CPXM2: variants seen among roughly 807,000 people sequenced by gnomAD.
CPXM2 encodes carboxypeptidase X, M14 family member 2.
CPXM2 carries 66 observed loss-of-function variants against 86.1 expected under a neutral mutation model. The observed-to-expected ratio is 0.77, with a 90% CI of 0.63 to 0.94. The LOEUF (loss-of-function observed/expected upper bound fraction) is 0.94, where lower values mean the gene tolerates loss of function less well. Among genes scored for constraint, CPXM2 ranks in the 40% least tolerant of loss-of-function variants. CPXM2 has a pLI of 0.00. For synonymous variants in CPXM2, 388 were observed against 400.2 expected (o/e 0.97, Z 0.36); for missense variants, 948 against 1,026.3 (o/e 0.92, Z 1.04).
chr10:123,750,156 AT>A (rs1170892042), intron 13 of CPXM2: 3 of 985,030 alleles, frequency 3.0e-6, no homozygotes, highest in East Asian at 2.3e-4. Context: ...ATTCTTACTA[AT>A]TTTCAAGAAA....
At chr10:123,756,522 G>C (rs1459777268) in intron 12 of CPXM2, among the ~76,000 whole-genome samples, 2 of 152,166 alleles carry the variant, frequency 1.3e-5, no homozygotes, top group Admixed American at 6.5e-5. Flanking sequence ...TCTGCCACCT[G>C]CAACAGTGAC....
Position 123,842,489 on chromosome 10 carries a change from C to T in CPXM2, c.514-1G>A, listed in dbSNP as rs777562125. 1.2e-6 allele frequency: 2 copies of T among 1,613,996 alleles called. No homozygotes were observed. The highest frequency in any genetic ancestry group is 4.5e-5 in the East Asian group (2 of 44,884). On this transcript the variant is annotated splice_acceptor_variant, in intron 3 of 13. Coordinates refer to ENST00000241305, the MANE Select transcript of CPXM2 (RefSeq NM_198148.3). LOFTEE classifies it high-confidence loss of function. ...AAAAATCATTTTCATTAATGCCCGC[C>T]TAGAAAGAAAGAAAGCGGTGTTCTT...
At chr10:123,855,730 T>C (rs1848708793) in intron 3 of CPXM2, among the ~76,000 whole-genome samples, 1 of 152,200 alleles carries the variant, frequency 6.6e-6, no homozygotes, top group Admixed American at 6.5e-5. Flanking sequence ...CGCCTCCAAA[T>C]ATCCCACCTC....
chr10:123,836,416 C>A (rs1848282269), intron 4 of CPXM2, among the ~76,000 whole-genome samples: 1 of 152,074 alleles, frequency 6.6e-6, no homozygotes, highest in African/African-American at 2.4e-5. Context: ...GTCTCACAGT[C>A]CCTCACTCCT....
At chr10:123,850,387 C>T (rs1590064721) in intron 3 of CPXM2, among the ~76,000 whole-genome samples, 1 of 152,314 alleles carries the variant, frequency 6.6e-6, no homozygotes. Context: ...AAGTCAACCA[C>T]AGTCTGAAAA....
chr10:123,776,302 C>T (rs1250792349), intron 7 of CPXM2, among the ~76,000 whole-genome samples: 1 of 152,072 alleles, frequency 6.6e-6, no homozygotes, highest in African/African-American at 2.4e-5. Flanking sequence ...TAGAAAGCAC[C>T]AGGGTTTGCA....
chr10:123,900,037 T>C (rs1317697496), intron 2 of CPXM2, among the ~76,000 whole-genome samples: 2 of 152,176 alleles, frequency 1.3e-5, no homozygotes, highest in Non-Finnish European at 1.5e-5. Flanking sequence ...ACCTGCAATG[T>C]CTAACAAAAA....
intron 13 of CPXM2, chr10:123,751,850 A>G (rs568342832): frequency 6.1e-6 from 6 of 985,310 alleles, no homozygotes; most frequent in Middle Eastern, 5.2e-4. Flanking sequence ...ATACACTGGG[A>G]AATTATTTAT....
intron 13 of CPXM2, among the ~76,000 whole-genome samples, chr10:123,748,129 T>G (rs563246920): frequency 6.6e-6 from 1 of 152,212 alleles, no homozygotes; most frequent in African/African-American, 2.4e-5. Flanking sequence ...GACTCTGTGA[T>G]GCAGGCTGCA....
intron 4 of CPXM2, among the ~76,000 whole-genome samples, chr10:123,804,371 A>C (rs1016474033): frequency 6.6e-6 from 1 of 152,184 alleles, no homozygotes; most frequent in Admixed American, 6.5e-5. Flanking sequence ...TAAATCTTCC[A>C]ATCTATAAAC....
chr10:123,910,808 G>A (rs28687990), intron 2 of CPXM2, among the ~76,000 whole-genome samples: 70,599 of 151,650 alleles, frequency 0.47, 16,740 homozygotes, highest in Middle Eastern at 0.58. Context: ...AGATCCAGGT[G>A]TCCACAGAGC....
chr10:123,940,783 C>A (rs970774528), upstream of CPXM2, among the ~76,000 whole-genome samples: 1 of 152,200 alleles, frequency 6.6e-6, no homozygotes, highest in African/African-American at 2.4e-5. Flanking sequence ...ACAGGACAAG[C>A]CTGGTGCTTC....
intron 8 of CPXM2, among the ~76,000 whole-genome samples, chr10:123,769,804 T>C (rs978600339): frequency 3.9e-5 from 6 of 152,162 alleles, no homozygotes; most frequent in African/African-American, 1.4e-4. Context: ...GCAATAAAGT[T>C]CTGTTGTTTA....
At chr10:123,811,858 A>T (rs1167566753) in intron 4 of CPXM2, among the ~76,000 whole-genome samples, 1 of 152,240 alleles carries the variant, frequency 6.6e-6, no homozygotes, top group Non-Finnish European at 1.5e-5. Context: ...GTGGTTACGG[A>T]AATGCAAGTT....
chr10:123,823,281 G>A (rs1847968174), intron 4 of CPXM2, among the ~76,000 whole-genome samples: 1 of 152,162 alleles, frequency 6.6e-6, no homozygotes, highest in Non-Finnish European at 1.5e-5. Flanking sequence ...GCCATGTAGA[G>A]GCCTGGGAAC....
At chr10:123,773,323 C>G (rs1236688030) in intron 7 of CPXM2, among the ~76,000 whole-genome samples, 1 of 151,652 alleles carries the variant, frequency 6.6e-6, no homozygotes, top group Non-Finnish European at 1.5e-5. Flanking sequence ...TATCACCTCC[C>G]TGGTTGTGGT....
intron 2 of CPXM2, among the ~76,000 whole-genome samples, chr10:123,866,593 C>T (rs1047198217): frequency 4.6e-5 from 7 of 151,948 alleles, no homozygotes; most frequent in South Asian, 2.1e-4. Flanking sequence ...TAAACTCAGA[C>T]GACTTGCTTG....
chr10:123,786,306 A>G (rs542015615), intron 6 of CPXM2, among the ~76,000 whole-genome samples: 2 of 152,330 alleles, frequency 1.3e-5, no homozygotes, highest in Non-Finnish European at 2.9e-5. Context: ...ACGCTTCTGT[A>G]GACAGAGACG....
chr10:123,775,797 CT>C (rs1448975232), intron 7 of CPXM2, among the ~76,000 whole-genome samples: 1 of 152,196 alleles, frequency 6.6e-6, no homozygotes, highest in Non-Finnish European at 1.5e-5. Flanking sequence ...CACGGTGGCC[CT>C]CTGCAATGCC....
Sources: allele counts gnomAD v4.1 joint callset (sites outside exome capture counted in the v4.1 genomes callset), GRCh38; gene constraint gnomAD v4.1.1; transcripts MANE v1.5; gene names NCBI Gene and HGNC (gene_info 2026-07-23, HGNC 2026-07-21).